The following NTM variants were observed in gnomAD, a reference collection of about 807,000 sequenced individuals.
NTM encodes the protein IgLON family member 2.
Under a neutral mutation model 42.1 loss-of-function variants are expected in NTM, and 13 were observed. The ratio of observed to expected loss-of-function variants is 0.31; its 90% confidence interval spans 0.20 to 0.49. The LOEUF (loss-of-function observed/expected upper bound fraction) is 0.49. NTM is among the 20% of genes least tolerant of loss of function. NTM has a pLI of 0.99. For missense variants in NTM, 373 were observed against 452.8 expected (o/e 0.82, Z 1.60); for synonymous variants, 187 against 179.2 (o/e 1.04, Z -0.35).
At chr11:132,071,744 G>T (rs2057704321) in intron 2 of NTM, among the ~76,000 whole-genome samples, 1 of 151,858 alleles carries the variant, frequency 6.6e-6, no homozygotes, top group African/African-American at 2.4e-5. Context: ...AAGAGAGAAA[G>T]AACATTTTTT....
chr11:132,312,173 G>T (rs886333715), intron 6 of NTM, among the ~76,000 whole-genome samples: 29 of 152,188 alleles, frequency 1.9e-4, no homozygotes, highest in African/African-American at 5.8e-4. Flanking sequence ...AGTTGGGTCT[G>T]CCAGGTAGGT....
At chr11:131,387,285 C>T (rs1440782423) in intron 1 of NTM, among the ~76,000 whole-genome samples, 1 of 152,100 alleles carries the variant, frequency 6.6e-6, no homozygotes, top group African/African-American at 2.4e-5. Flanking sequence ...ATCTGCTTCC[C>T]TTTCTTGGAG....
At chr11:131,517,602 C>G (rs542321529) in intron 1 of NTM, among the ~76,000 whole-genome samples, 4 of 152,008 alleles carry the variant, frequency 2.6e-5, no homozygotes. Flanking sequence ...TTTTTCCCTT[C>G]TTTTGTTTTT....
intron 2 of NTM, among the ~76,000 whole-genome samples, chr11:132,034,855 G>A (rs1249312131): frequency 6.6e-6 from 1 of 152,150 alleles, no homozygotes; most frequent in Non-Finnish European, 1.5e-5. Flanking sequence ...CTAAATCCCT[G>A]TGCTGATCAA....
chr11:132,071,070 G>A (rs532632185), intron 2 of NTM, among the ~76,000 whole-genome samples: 1,734 of 138,794 alleles, frequency 0.012, 175 homozygotes, highest in Non-Finnish European at 0.02. Flanking sequence ...ACCGTCACAG[G>A]TTAGTTAACA....
At chr11:131,983,537 A>T (rs1343896878) in intron 2 of NTM, among the ~76,000 whole-genome samples, 1 of 151,862 alleles carries the variant, frequency 6.6e-6, no homozygotes, top group Non-Finnish European at 1.5e-5. Context: ...TACCACACCC[A>T]GCTAATTTTT....
chr11:131,575,096 A>T (rs539450427), intron 1 of NTM, among the ~76,000 whole-genome samples: 45 of 152,308 alleles, frequency 3.0e-4, no homozygotes, highest in Admixed American at 7.8e-4. Flanking sequence ...ATGACTCTTT[A>T]ATAAAATGGG....
intron 2 of NTM, among the ~76,000 whole-genome samples, chr11:131,952,794 C>A (rs1327771079): frequency 6.6e-6 from 1 of 152,142 alleles, no homozygotes; most frequent in African/African-American, 2.4e-5. Flanking sequence ...TATAAATAAG[C>A]AAACATGGAT....
intron 1 of NTM, among the ~76,000 whole-genome samples, chr11:131,899,083 C>A (rs1370839794): frequency 1.3e-5 from 2 of 152,158 alleles, no homozygotes; most frequent in African/African-American, 4.8e-5. Context: ...ATGTCGTAAT[C>A]CAGCTCTTCT....
At chr11:131,502,977 C>A (rs2047022650) in intron 1 of NTM, 1 of 152,196 alleles carries the variant, frequency 6.6e-6, no homozygotes, top group Admixed American at 6.6e-5. Context: ...GTTCAGGAGA[C>A]AAGGGAAGAT....
chr11:132,335,040 C>A lies in NTM; in HGVS notation c.968-6C>A. On this transcript the variant is annotated splice_polypyrimidine_tract_variant and splice_region_variant and intron_variant, in intron 8 of 8. Transcript: ENST00000683400. ...ACCACTCACGGCGAGTGTGTTCTCT[C>A]CACAGGTCCAGGCGCCGTCAGCGAG... 6.2e-7 allele frequency: 1 copy of A among 1,611,656 alleles called. No homozygotes were observed. The highest frequency in any genetic ancestry group is 8.5e-7 in the Non-Finnish European group (1 of 1,179,818).
intron 3 of NTM, among the ~76,000 whole-genome samples, chr11:132,187,284 A>T (rs954021724): frequency 6.6e-6 from 1 of 151,724 alleles, no homozygotes; most frequent in Non-Finnish European, 1.5e-5. Context: ...CCCTGAAAAA[A>T]CAAGATGAGA....
chr11:131,846,157 G>A (rs888909753), intron 1 of NTM, among the ~76,000 whole-genome samples: 8 of 152,178 alleles, frequency 5.3e-5, no homozygotes, highest in South Asian at 4.2e-4. Context: ...ACTAGCAAGC[G>A]TCATTCCTGT....
intron 1 of NTM, among the ~76,000 whole-genome samples, chr11:131,666,895 G>T (rs1384000473): frequency 6.6e-6 from 1 of 152,184 alleles, no homozygotes; most frequent in Non-Finnish European, 1.5e-5. Context: ...TTGATCTGTG[G>T]CTGGGTGAGT....
intron 1 of NTM, among the ~76,000 whole-genome samples, chr11:131,706,626 A>G (rs1276686713): frequency 6.6e-6 from 1 of 152,092 alleles, no homozygotes; most frequent in Non-Finnish European, 1.5e-5. Flanking sequence ...TTTAAATTTT[A>G]TCAAGTTCTT....
At chr11:131,854,370 C>T (rs1002829249) in intron 1 of NTM, among the ~76,000 whole-genome samples, 2 of 152,216 alleles carry the variant, frequency 1.3e-5, no homozygotes, top group Non-Finnish European at 2.9e-5. Flanking sequence ...CTTTTGCTCA[C>T]AAGCACTGTA....
Position 131,761,809 on chromosome 11 carries a change from C to CAATA in NTM, c.83-149705_83-149702dup, listed in dbSNP as rs200691057. On this transcript the variant is annotated intron_variant, in intron 1 of 8. Coordinates refer to ENST00000683400, the MANE Select transcript of NTM (RefSeq NM_001352005.2). ...GGGCAATAAGAGCGAAACTCTGTCT[C>CAATA]AATAAATAAATAAATAAATAAATAA... is the stretch of plus-strand genomic sequence containing the variant. Among the ~76,000 whole-genome samples, 1,184 of 139,238 alleles carry CAATA rather than the reference C, an allele frequency of 8.5e-3. 12 individuals carry two copies. Among genetic ancestry groups the CAATA allele is most frequent in the East Asian group, 0.021 (97 of 4,644 alleles). The allele number at this position is 139,238 out of a possible 152,430, so 91.3% of individuals were successfully genotyped here. A position where few individuals can be genotyped will look rare whatever the true frequency, so the allele number is the denominator to read the frequency against.
At chr11:132,231,428 C>T (rs1320300996) in intron 4 of NTM, among the ~76,000 whole-genome samples, 1 of 152,172 alleles carries the variant, frequency 6.6e-6, no homozygotes, top group Non-Finnish European at 1.5e-5. Flanking sequence ...CTGCTTGTTG[C>T]TTTCTTAACA....
intron 1 of NTM, among the ~76,000 whole-genome samples, chr11:131,519,038 G>T (rs1170540491): frequency 6.6e-6 from 1 of 152,174 alleles, no homozygotes; most frequent in Non-Finnish European, 1.5e-5. Flanking sequence ...TAAATGAATA[G>T]AAATGAGTTT....
Sources: gnomAD v4.1 joint callset for allele counts (sites outside exome capture counted in the v4.1 genomes callset) on GRCh38, gnomAD v4.1.1 for gene constraint, MANE v1.5 for transcripts, NCBI Gene and HGNC (gene_info 2026-07-23, HGNC 2026-07-21) for gene names.